NF2: variants seen among roughly 807,000 people sequenced by gnomAD.
NF2 encodes the protein merlin.
A neutral mutation model predicts 83.7 loss-of-function variants in NF2; 8 were observed. The observed-to-expected ratio is 0.10, with a 90% CI of 0.06 to 0.17. The LOEUF is 0.17. NF2 is among the 10% of genes least tolerant of loss of function. The probability of loss-of-function intolerance (pLI) is 1.00; values close to 1 mark genes in which losing one functional copy is unlikely to be tolerated. For missense variants in NF2, 533 were observed against 744.4 expected (o/e 0.72, Z 3.31); for synonymous variants, 266 against 269.6 (o/e 0.99, Z 0.13).
chr22:29,674,368 T>G (rs1452867033), intron 12 of NF2, among the ~76,000 whole-genome samples: 1 of 152,232 alleles, frequency 6.6e-6, no homozygotes, highest in African/African-American at 2.4e-5. Flanking sequence ...TGGGCTCATC[T>G]TTCTGCTGGA....
chr22:29,608,868 C>T (rs1227652556), intron 1 of NF2: 2 of 457,354 alleles, frequency 4.4e-6, no homozygotes, highest in Non-Finnish European at 8.1e-6. Context: ...TGAGGGGACT[C>T]GTGGGGTAAC....
chr22:29,609,373 G>GC, intron 1 of NF2: 1 of 592,200 alleles, frequency 1.7e-6, no homozygotes, highest in Non-Finnish European at 3.3e-6. Context: ...CTGTCCATAG[G>GC]TGTGCAGAGG....
intron 1 of NF2, among the ~76,000 whole-genome samples, chr22:29,622,670 T>C (rs1235044280): frequency 7.0e-6 from 1 of 143,330 alleles, no homozygotes; most frequent in African/African-American, 2.6e-5. Flanking sequence ...TTTTTTTTTT[T>C]TTTGAGACAG....
chr22:29,648,928 A>G (rs1052810383), intron 4 of NF2, among the ~76,000 whole-genome samples: 34 of 152,312 alleles, frequency 2.2e-4, no homozygotes, highest in South Asian at 2.1e-3. Context: ...TATGTTTCAT[A>G]GAAAGGAGGG....
chr22:29,683,329 C>T (rs1254160371), intron 15 of NF2: 6 of 1,408,972 alleles, frequency 4.3e-6, no homozygotes, highest in African/African-American at 1.4e-5. Context: ...CTTCCCATCT[C>T]GGGTCATTGT....
At chr22:29,631,309 C>A (rs1601568743) in intron 1 of NF2, among the ~76,000 whole-genome samples, 1 of 152,172 alleles carries the variant, frequency 6.6e-6, no homozygotes, top group Non-Finnish European at 1.5e-5. Flanking sequence ...CTCAACTACC[C>A]CCCTGGCTTT....
intron 1 of NF2, among the ~76,000 whole-genome samples, chr22:29,610,033 TAGAGAG>T (rs3074485): frequency 3.4e-5 from 5 of 148,252 alleles, no homozygotes; most frequent in East Asian, 2.0e-4. Flanking sequence ...AATAAATAAT[TAGAGAG>T]AGAGAGAGAG....
chr22:29,692,204 C>T (rs569350299), intron 15 of NF2, among the ~76,000 whole-genome samples: 7 of 152,296 alleles, frequency 4.6e-5, no homozygotes, highest in South Asian at 4.1e-4. Flanking sequence ...CCCCTCTGAC[C>T]GCCTCAGTGC....
At chr22:29,653,443 CAAAA>C (rs57099430) in intron 4 of NF2, among the ~76,000 whole-genome samples, 4 of 94,336 alleles carry the variant, frequency 4.2e-5, no homozygotes, top group Non-Finnish European at 4.2e-5. Flanking sequence ...GACTCTGTCT[CAAAA>C]AAAAAAAAAA....
At position 29,672,910 on chromosome 22, in the gene NF2, G is replaced by A. The variant is rs374586799; in HGVS notation, c.1123-359G>A. Among the ~76,000 whole-genome samples, 12 of 152,220 alleles carry A rather than the reference G, an allele frequency of 7.9e-5. No individual in the cohort carries two copies. In the East Asian group the frequency reaches 1.4e-3, roughly 17 times the overall value. ...GCTGGGATTATAGGCGTGAGCCACC[G>A]TGCCCCACCTGCCACATGTCTCTTG... is the stretch of plus-strand genomic sequence containing the variant. On this transcript the variant is annotated intron_variant, in intron 11 of 15. Transcript: ENST00000338641.
intron 4 of NF2, among the ~76,000 whole-genome samples, chr22:29,653,267 A>G (rs2066203406): frequency 6.6e-6 from 1 of 152,078 alleles, no homozygotes; most frequent in African/African-American, 2.4e-5. Context: ...AACATGGTGA[A>G]ACCCTGTCTC....
rs150084533 is a variant in NF2 at position 29,632,254 on chromosome 22, C to T, written c.115-4497C>T. On this transcript the variant is annotated intron_variant, in intron 1 of 15. Coordinates refer to ENST00000338641, the MANE Select transcript of NF2 (RefSeq NM_000268.4). ...ATCCTACTCCCATTTCCTGTAAGGACGACTGACCTCTTTTTTGCCTCTAGA... is the reference window on the plus strand; with the variant it reads ...ATCCTACTCCCATTTCCTGTAAGGATGACTGACCTCTTTTTTGCCTCTAGA... Among the ~76,000 whole-genome samples, 162 of 152,236 alleles carry T rather than the reference C, an allele frequency of 1.1e-3. 1 individual carries two copies. Among genetic ancestry groups the T allele is most frequent in the Middle Eastern group, 3.4e-3 (1 of 294 alleles).
chr22:29,675,035 T>TG, intron 13 of NF2, 94 bp downstream of exon 13: 1 of 1,090,372 alleles, frequency 9.2e-7, no homozygotes, highest in Non-Finnish European at 1.4e-6. Context: ...GCCTTCAGGG[T>TG]GACCATTCAG....
intron 1 of NF2, among the ~76,000 whole-genome samples, chr22:29,610,678 A>C (rs1022478604): frequency 6.6e-6 from 1 of 152,010 alleles, no homozygotes; most frequent in Non-Finnish European, 1.5e-5. Flanking sequence ...AAAGCAAAGC[A>C]AAGCCCAGGC....
rs1469555294 is a variant in NF2, at chr22:29,678,333, C to T, written c.1574+10C>T. On this transcript the variant is annotated intron_variant, in intron 14 of 15. Coordinates refer to ENST00000338641, the MANE Select transcript of NF2 (RefSeq NM_000268.4). ...AGATAGAGAAAGAAAAGTATGTAGC[C>T]CCCTGTGCCCTGCTGTGGGCAGCTG... 2 of 1,612,972 alleles carry T rather than the reference C, an allele frequency of 1.2e-6. No homozygotes were observed.
intron 15 of NF2, among the ~76,000 whole-genome samples, chr22:29,690,188 G>A (rs1315092829): frequency 1.3e-5 from 2 of 152,246 alleles, no homozygotes; most frequent in Non-Finnish European, 2.9e-5. Flanking sequence ...AGGTAGCAGT[G>A]AGGAGGAACA....
chr22:29,609,159 A>C, intron 1 of NF2: 3 of 752,612 alleles, frequency 4.0e-6, no homozygotes, highest in East Asian at 2.5e-5. Flanking sequence ...AATGGGATGA[A>C]GGTTGGCCTT....
intron 7 of NF2, among the ~76,000 whole-genome samples, chr22:29,658,510 G>C (rs1339879582): frequency 6.6e-6 from 1 of 152,158 alleles, no homozygotes; most frequent in African/African-American, 2.4e-5. Flanking sequence ...GCTCTCAGCA[G>C]AAACCTGTTT....
rs2147072682 is a variant in NF2 at position 29,671,884 on chromosome 22, G to A, written c.1058G>A (p.Arg353Lys). ...ATGAGGGAGGAGGCTGAACGCACGA[G>A]GGATGAGTTGGAGAGGAGGCTGCTG... ...KQMREEAERT[R>K]DELERRLLQM... Residue 353 changes from arginine to lysine, a missense_variant, in exon 11 of 16, where the codon AGG becomes AAG. Coordinates refer to ENST00000338641, the MANE Select transcript of NF2 (RefSeq NM_000268.4). 6.2e-6 allele frequency: 10 copies of A among 1,614,162 alleles called. No individual in the cohort carries two copies. The highest frequency in any genetic ancestry group is 7.6e-6 in the Non-Finnish European group (9 of 1,180,034).
Sources: gnomAD v4.1 joint callset for allele counts (sites outside exome capture counted in the v4.1 genomes callset) on GRCh38, gnomAD v4.1.1 for gene constraint, MANE v1.5 for transcripts, NCBI Gene and HGNC (gene_info 2026-07-23, HGNC 2026-07-21) for gene names.